Variants in DDAH1 observed in about 807,000 individuals in gnomAD.
DDAH1 encodes the protein dimethylarginine dimethylaminohydrolase 1.
Under a neutral mutation model 28.8 loss-of-function variants are expected in DDAH1, and 19 were observed. The ratio of observed to expected loss-of-function variants is 0.66; its 90% CI spans 0.46 to 0.97. DDAH1 has a LOEUF of 0.97. Among genes scored for constraint, DDAH1 ranks in the 50% least tolerant of loss-of-function variants. DDAH1 has a pLI of 0.00. For synonymous variants in DDAH1, 153 were observed against 154.4 expected, an observed-to-expected ratio of 0.99 and a Z score of 0.07; for missense variants, 326 against 375.9, an observed-to-expected ratio of 0.87 and a Z score of 1.10.
chr1:85,404,485 G>A, intron 1 of DDAH1: 3 of 1,519,762 alleles, frequency 2.0e-6, no homozygotes, highest in Non-Finnish European at 2.6e-6. Flanking sequence ...CTGTGTTACT[G>A]AAGAACAGTC....
chr1:85,491,046 C>CA (rs1194814078), intron 2 of DDAH1, among the ~76,000 whole-genome samples: 2 of 125,620 alleles, frequency 1.6e-5, no homozygotes, highest in Non-Finnish European at 3.3e-5. Flanking sequence ...AACATGTATT[C>CA]TTTTTTTTTT....
rs1661299572 is a variant in DDAH1 at position 85,320,899 on chromosome 1, G to C, written c.*553C>G. The stretch of plus-strand genomic sequence containing the variant: ...AATGGCAGACAGGGTGGACCTGCAG[G>C]AAGGTAGCCAGAAGGAAAGACCTTG... On this transcript the variant is annotated 3_prime_UTR_variant, in exon 6 of 6. Coordinates refer to ENST00000284031, the MANE Select transcript of DDAH1 (RefSeq NM_012137.4). 6.6e-6 allele frequency: 1 copy of C among 152,228 alleles called. No homozygotes were observed. Among genetic ancestry groups the C allele is most frequent in the African/African-American group, 2.4e-5 (1 of 41,420 alleles). The allele number at this position is 152,228 out of a possible 1,614,324, so 9.4% of individuals were successfully genotyped here.
At chr1:85,530,262 T>TACTAATA (rs1658046897) in intron 1 of DDAH1, among the ~76,000 whole-genome samples, 1 of 152,124 alleles carries the variant, frequency 6.6e-6, no homozygotes. Flanking sequence ...ACTGGGAGAA[T>TACTAATA]CCAGTCCCCA....
intron 1 of DDAH1, among the ~76,000 whole-genome samples, chr1:85,563,694 A>G (rs1659204162): frequency 6.6e-6 from 1 of 152,230 alleles, no homozygotes; most frequent in South Asian, 2.1e-4. Flanking sequence ...AAATTAGGAG[A>G]AAAATTAATC....
intron 1 of DDAH1, among the ~76,000 whole-genome samples, chr1:85,362,259 C>T (rs1557523440): frequency 6.6e-6 from 1 of 152,054 alleles, no homozygotes; most frequent in Non-Finnish European, 1.5e-5. Context: ...CTTGTGTAAC[C>T]TCTGCTTTGA....
intron 1 of DDAH1, among the ~76,000 whole-genome samples, chr1:85,445,797 C>G (rs1049931935): frequency 4.6e-5 from 7 of 152,092 alleles, no homozygotes; most frequent in Admixed American, 2.0e-4. Context: ...GACAGGGTCT[C>G]TTCATGTTGC....
At chr1:85,437,863 T>C (rs1654012866) in intron 1 of DDAH1, among the ~76,000 whole-genome samples, 1 of 152,142 alleles carries the variant, frequency 6.6e-6, no homozygotes, top group African/African-American at 2.4e-5. Flanking sequence ...TCCTTATTTC[T>C]CACAACAAAT....
intron 1 of DDAH1, among the ~76,000 whole-genome samples, chr1:85,425,002 T>A (rs557136806): frequency 2.8e-4 from 43 of 152,244 alleles, no homozygotes; most frequent in South Asian, 1.0e-3. Flanking sequence ...CCCTTTTTTT[T>A]ATTGAAACAT....
At chr1:85,378,454 G>T (rs909977679) in intron 1 of DDAH1, among the ~76,000 whole-genome samples, 72 of 152,120 alleles carry the variant, frequency 4.7e-4, no homozygotes, top group Non-Finnish European at 1.2e-4. Context: ...TGCCACCCAG[G>T]CTGGAGTGCA....
intron 1 of DDAH1, among the ~76,000 whole-genome samples, chr1:85,419,409 A>G (rs536214332): frequency 5.9e-5 from 9 of 152,114 alleles, no homozygotes; most frequent in Non-Finnish European, 1.0e-4. Flanking sequence ...GCATGGTGGC[A>G]TGTGCCTGTA....
At chr1:85,411,406 T>C (rs1557597701) in intron 1 of DDAH1, among the ~76,000 whole-genome samples, 1 of 152,180 alleles carries the variant, frequency 6.6e-6, no homozygotes, top group African/African-American at 2.4e-5. Flanking sequence ...GTAACAGGCC[T>C]GCCTTAATCA....
chr1:85,575,340 A>G (rs1659572110), intron 1 of DDAH1, among the ~76,000 whole-genome samples: 1 of 152,234 alleles, frequency 6.6e-6, no homozygotes, highest in Non-Finnish European at 1.5e-5. Context: ...TGAAACCTTT[A>G]TCTCAATGAC....
intron 1 of DDAH1, among the ~76,000 whole-genome samples, chr1:85,384,481 T>C (rs946796955): frequency 6.6e-6 from 1 of 152,160 alleles, no homozygotes; most frequent in African/African-American, 2.4e-5. Flanking sequence ...GCTGGGAAAA[T>C]TGTAATCTCA....
chr1:85,324,672 AC>A, intron 5 of DDAH1, 67 bp downstream of exon 5: 3 of 1,568,650 alleles, frequency 1.9e-6, no homozygotes, highest in Non-Finnish European at 2.6e-6. Flanking sequence ...CCTATTGGTC[AC>A]TCCTTTATGA....
chr1:85,567,445 C>G (rs979334314), intron 1 of DDAH1, among the ~76,000 whole-genome samples: 1 of 152,202 alleles, frequency 6.6e-6, no homozygotes, highest in Non-Finnish European at 1.5e-5. Context: ...TTTCTCTGCA[C>G]AAGCTCTCTT....
intron 1 of DDAH1, among the ~76,000 whole-genome samples, chr1:85,417,638 T>C (rs1156548626): frequency 6.6e-6 from 1 of 152,220 alleles, no homozygotes; most frequent in Admixed American, 6.5e-5. Context: ...AATATTTCTC[T>C]TTATCAATCT....
chr1:85,500,165 CT>C (rs1656769142), intron 1 of DDAH1, among the ~76,000 whole-genome samples: 1 of 110,084 alleles, frequency 9.1e-6, no homozygotes, highest in Non-Finnish European at 1.8e-5. Flanking sequence ...CTTTCTTTCT[CT>C]TTTTTCCTTC....
chr1:85,365,028 T>G (rs981573808), intron 1 of DDAH1, among the ~76,000 whole-genome samples: 1 of 152,176 alleles, frequency 6.6e-6, no homozygotes, highest in African/African-American at 2.4e-5. Flanking sequence ...ACAGCAAACA[T>G]TTATATAGTC....
chr1:85,564,333 A>G (rs1659223286), intron 1 of DDAH1, among the ~76,000 whole-genome samples: 1 of 152,236 alleles, frequency 6.6e-6, no homozygotes. Context: ...GAAAAAGACT[A>G]AAAGTAAAAA....
Sources: gnomAD v4.1 joint callset for allele counts (sites outside exome capture counted in the v4.1 genomes callset) on GRCh38, gnomAD v4.1.1 for gene constraint, MANE v1.5 for transcripts, NCBI Gene and HGNC (gene_info 2026-07-23, HGNC 2026-07-21) for gene names.